The following BNC2 variants were observed in gnomAD, a reference collection of about 807,000 sequenced individuals.
BNC2 encodes the protein zinc finger protein basonuclin-2.
A neutral mutation model predicts 76.3 loss-of-function variants in BNC2; 20 were observed. The observed-to-expected ratio is 0.26, with a 90% CI of 0.18 to 0.38. The LOEUF (loss-of-function observed/expected upper bound fraction) is 0.38. BNC2 is among the 10% of genes least tolerant of loss of function. The pLI is 1.00. For missense variants in BNC2, 1,382 were observed against 1,399.8 expected, an observed-to-expected ratio of 0.99 and a Z score of 0.20; for synonymous variants, 582 against 514.8, an observed-to-expected ratio of 1.13 and a Z score of -1.77.
intron 1 of BNC2, among the ~76,000 whole-genome samples, chr9:16,810,244 T>C (rs1001293020): frequency 6.6e-6 from 1 of 152,196 alleles, no homozygotes; most frequent in Non-Finnish European, 1.5e-5. Context: ...AGGCTTAGTG[T>C]AGTCTTCCAC....
intron 5 of BNC2, among the ~76,000 whole-genome samples, chr9:16,451,577 C>A (rs1821340821): frequency 6.6e-6 from 1 of 152,176 alleles, no homozygotes; most frequent in Non-Finnish European, 1.5e-5. Context: ...CAAAGACCTA[C>A]TTGCCATAAA....
rs1011917880 is a variant in BNC2, at chr9:16,759,927, A to G, written c.4-21442T>C. Among the ~76,000 whole-genome samples, 13 of 152,152 alleles carry G rather than the reference A, an allele frequency of 8.5e-5. 1 individual carries two copies. Among genetic ancestry groups the G allele is most frequent in the African/African-American group, 2.6e-4 (11 of 41,524 alleles). On this transcript the variant is annotated intron_variant, in intron 1 of 6. Coordinates refer to ENST00000380672, the MANE Select transcript of BNC2 (RefSeq NM_017637.6). ...TTCAGTAGAGACGGGGTTTCACCGC[A>G]TTAGCCAGGACGGTCTGGATTTCCT...
chr9:16,857,208 T>C (rs1195201877), intron 1 of BNC2, among the ~76,000 whole-genome samples: 4 of 152,110 alleles, frequency 2.6e-5, no homozygotes, highest in African/African-American at 9.7e-5. Context: ...CCAGGCACAG[T>C]GGCTCACGCA....
At position 16,726,739 on chromosome 9, in the gene BNC2, G is replaced by A. The variant is rs73419932; in HGVS notation, c.330+1058C>T. 2.1e-3 allele frequency: 319 copies of A among 152,256 alleles called. 4 individuals carry two copies. Among genetic ancestry groups the A allele is most frequent in the African/African-American group, 7.4e-3 (307 of 41,550 alleles). The allele number at this position is 152,256 out of a possible 1,614,324, so 9.4% of individuals were successfully genotyped here. A position where few individuals can be genotyped will look rare whatever the true frequency, so the allele number is the denominator to read the frequency against. Reference sequence around the variant, plus strand: ...GTGGATGATAATATCAAACTAACTTGCTTTGTGTGGGTTTGGTGTAGGCTT... The same window carrying A: ...GTGGATGATAATATCAAACTAACTTACTTTGTGTGGGTTTGGTGTAGGCTT... On this transcript the variant is annotated intron_variant, in intron 3 of 6. Coordinates refer to ENST00000380672, the MANE Select transcript of BNC2 (RefSeq NM_017637.6).
intron 5 of BNC2, among the ~76,000 whole-genome samples, chr9:16,536,933 C>T (rs575866360): frequency 4.2e-4 from 64 of 152,194 alleles, no homozygotes; most frequent in African/African-American, 1.5e-3. Flanking sequence ...GAGGCAATTC[C>T]TTCCATTTAG....
chr9:16,697,351 T>C (rs543860779), intron 3 of BNC2, among the ~76,000 whole-genome samples: 12 of 151,570 alleles, frequency 7.9e-5, no homozygotes, highest in South Asian at 2.1e-4. Context: ...CCTCAAAATA[T>C]ACAAAAATAA....
intron 1 of BNC2, among the ~76,000 whole-genome samples, chr9:16,745,200 A>G (rs549410083): frequency 6.6e-6 from 1 of 152,322 alleles, no homozygotes; most frequent in South Asian, 2.1e-4. Flanking sequence ...TACAAGTACT[A>G]AAGTATCAGT....
intron 1 of BNC2, among the ~76,000 whole-genome samples, chr9:16,847,943 C>T (rs1586932728): frequency 6.6e-6 from 1 of 152,114 alleles, no homozygotes; most frequent in African/African-American, 2.4e-5. Context: ...CTGTAAGAAA[C>T]CTGTGTGTTC....
chr9:16,616,451 C>T (rs1473263197), intron 3 of BNC2, among the ~76,000 whole-genome samples: 1 of 151,896 alleles, frequency 6.6e-6, no homozygotes, highest in African/African-American at 2.4e-5. Flanking sequence ...AATCCCAGCA[C>T]TTTGGGAAGC....
chr9:16,740,671 G>A (rs533883370), intron 1 of BNC2, among the ~76,000 whole-genome samples: 47 of 152,266 alleles, frequency 3.1e-4, no homozygotes, highest in African/African-American at 1.1e-3. Flanking sequence ...GACAGGTTGT[G>A]TTCATAAGTT....
At chr9:16,655,263 C>G (rs1357779313) in intron 3 of BNC2, among the ~76,000 whole-genome samples, 1 of 152,098 alleles carries the variant, frequency 6.6e-6, no homozygotes, top group Admixed American at 6.5e-5. Flanking sequence ...TATCTTAAAA[C>G]ACAAATTCTC....
intron 5 of BNC2, among the ~76,000 whole-genome samples, chr9:16,492,993 T>G (rs535405597): frequency 3.9e-5 from 6 of 152,290 alleles, no homozygotes; most frequent in African/African-American, 1.4e-4. Flanking sequence ...AGAAAATGTT[T>G]CCTGGTGATC....
intron 5 of BNC2, among the ~76,000 whole-genome samples, chr9:16,529,109 C>A (rs903191779): frequency 6.6e-6 from 1 of 152,146 alleles, no homozygotes; most frequent in Non-Finnish European, 1.5e-5. Flanking sequence ...ATATCTTACA[C>A]GGATACACAG....
At chr9:16,651,934 G>C (rs926796388) in intron 3 of BNC2, among the ~76,000 whole-genome samples, 1 of 152,124 alleles carries the variant, frequency 6.6e-6, no homozygotes, top group African/African-American at 2.4e-5. Flanking sequence ...CCAATCCTGA[G>C]TGTTCAGATC....
chr9:16,525,409 G>C (rs1362354047), intron 5 of BNC2, among the ~76,000 whole-genome samples: 1 of 151,986 alleles, frequency 6.6e-6, no homozygotes, highest in Non-Finnish European at 1.5e-5. Flanking sequence ...AAATGAAACG[G>C]ATTTACAACG....
chr9:16,477,049 G>A (rs1219736812), intron 5 of BNC2, among the ~76,000 whole-genome samples: 2 of 152,168 alleles, frequency 1.3e-5, no homozygotes, highest in South Asian at 2.1e-4. Context: ...GCTCCATCAG[G>A]GTAGAAAAGG....
chr9:16,498,194 TATATATTCCATC>T lies in BNC2; in HGVS notation c.669+54324_669+54335del, dbSNP rs1405775128. On this transcript the variant is annotated intron_variant, in intron 5 of 6. Transcript: ENST00000380672. ...TCTATCATATATATATTCCATCATA[TATATATTCCATC>T]ATATATATATTCCATCATATATATA... Among the ~76,000 whole-genome samples, 163 of 135,962 alleles carry T rather than the reference TATATATTCCATC, an allele frequency of 1.2e-3. 5 individuals are homozygous for T. The highest frequency in any genetic ancestry group is 3.6e-3 in the Middle Eastern group (1 of 278). The allele number at this position is 135,962 out of a possible 152,430, so 89.2% of individuals were successfully genotyped here.
intron 3 of BNC2, among the ~76,000 whole-genome samples, chr9:16,673,396 A>T (rs1369758560): frequency 1.3e-5 from 1 of 76,614 alleles, no homozygotes; most frequent in Non-Finnish European, 3.1e-5. Context: ...GAATGATTCA[A>T]AAAGAATAAA....
intron 4 of BNC2, among the ~76,000 whole-genome samples, chr9:16,558,666 C>T (rs1438090021): frequency 1.3e-5 from 2 of 152,182 alleles, no homozygotes; most frequent in Non-Finnish European, 2.9e-5. Context: ...TGCGGTGGCT[C>T]ATGCCTGTCA....
Sources: gnomAD v4.1 joint callset for allele counts (sites outside exome capture counted in the v4.1 genomes callset) on GRCh38, gnomAD v4.1.1 for gene constraint, MANE v1.5 for transcripts, NCBI Gene and HGNC (gene_info 2026-07-23, HGNC 2026-07-21) for gene names.